HOOK3: variants seen among roughly 807,000 people sequenced by gnomAD.
The protein encoded by HOOK3 is hook microtubule tethering protein 3.
In HOOK3, 24 loss-of-function variants were observed where a neutral mutation model predicts 116.3. The observed-to-expected ratio is 0.21, with a 90% CI of 0.15 to 0.29. The LOEUF is 0.29. HOOK3 is among the 10% of genes least tolerant of loss of function. HOOK3 has a pLI of 1.00. For missense variants in HOOK3, 632 were observed against 830.2 expected (o/e 0.76, Z 2.93); for synonymous variants, 275 against 283.0 (o/e 0.97, Z 0.28).
chr8:42,958,362 C>A (rs148347540), intron 7 of HOOK3, among the ~76,000 whole-genome samples: 1 of 151,870 alleles, frequency 6.6e-6, no homozygotes, highest in Non-Finnish European at 1.5e-5. Context: ...AATGAAGAGA[C>A]AATAAAATTT....
At chr8:42,905,332 G>C (rs1338548249) in intron 1 of HOOK3, among the ~76,000 whole-genome samples, 6 of 146,672 alleles carry the variant, frequency 4.1e-5, no homozygotes, top group African/African-American at 1.0e-4. Flanking sequence ...TTTTGGGGGG[G>C]GGGGTGCCGT....
chr8:42,964,164 G>T (rs529954746), intron 8 of HOOK3, 147 bp from the exon 9 acceptor site: 2 of 701,918 alleles, frequency 2.8e-6, no homozygotes, highest in East Asian at 2.8e-5. Flanking sequence ...CCGAGATTGC[G>T]CCACTGCACT....
intron 4 of HOOK3, among the ~76,000 whole-genome samples, chr8:42,934,642 G>C (rs1215312459): frequency 6.6e-6 from 1 of 151,952 alleles, no homozygotes; most frequent in East Asian, 1.9e-4. Context: ...AACATGCGGT[G>C]TTTGGTTTTC....
chr8:42,936,584 G>T (rs1807975909), intron 4 of HOOK3, among the ~76,000 whole-genome samples: 1 of 152,310 alleles, frequency 6.6e-6, no homozygotes, highest in African/African-American at 2.4e-5. Flanking sequence ...AGTTTATTGA[G>T]AGTTTTTAGC....
intron 2 of HOOK3, among the ~76,000 whole-genome samples, chr8:42,912,917 C>G (rs1807460502): frequency 6.6e-6 from 1 of 152,208 alleles, no homozygotes; most frequent in Non-Finnish European, 1.5e-5. Context: ...ATCCCTCTCT[C>G]CAAACCCGGG....
chr8:42,918,438 T>G (rs961650369), intron 2 of HOOK3, among the ~76,000 whole-genome samples: 3 of 152,168 alleles, frequency 2.0e-5, no homozygotes, highest in Non-Finnish European at 4.4e-5. Context: ...TTAAATTTTT[T>G]TAGTATTTAT....
At chr8:42,966,279 C>T (rs1313852889) in intron 9 of HOOK3, among the ~76,000 whole-genome samples, 194 bp from the exon 10 acceptor site, 2 of 152,076 alleles carry the variant, frequency 1.3e-5, no homozygotes, top group East Asian at 1.9e-4. Flanking sequence ...CAGTTGTCAC[C>T]GTTCCCAAGA....
intron 8 of HOOK3, among the ~76,000 whole-genome samples, chr8:42,963,853 C>T (rs964964696): frequency 6.6e-6 from 1 of 152,202 alleles, no homozygotes; most frequent in African/African-American, 2.4e-5. Context: ...TTGCTCTGCA[C>T]GTGCAGTATT....
At chr8:42,940,383 A>G (rs551706840) in intron 4 of HOOK3, among the ~76,000 whole-genome samples, 11 of 152,318 alleles carry the variant, frequency 7.2e-5, no homozygotes, top group African/African-American at 2.4e-4. Flanking sequence ...TCGGCAGGCC[A>G]AGGCAGGAGA....
chr8:42,968,280 C>A, intron 11 of HOOK3, 66 bp downstream of exon 11: 1 of 1,083,384 alleles, frequency 9.2e-7, no homozygotes, highest in South Asian at 1.4e-5. Context: ...TGTAGCTTAC[C>A]AAAATTACTA....
intron 16 of HOOK3, among the ~76,000 whole-genome samples, chr8:42,998,572 A>G (rs1298250693): frequency 2.6e-5 from 4 of 152,170 alleles, no homozygotes; most frequent in Non-Finnish European, 5.9e-5. Context: ...AAAGGAACCG[A>G]AGAAAGGGAG....
At chr8:42,985,060 A>G (rs1809025464) in intron 14 of HOOK3, among the ~76,000 whole-genome samples, 1 of 152,178 alleles carries the variant, frequency 6.6e-6, no homozygotes, top group Non-Finnish European at 1.5e-5. Flanking sequence ...GTGGGTTAAT[A>G]TTTGATACTT....
At chr8:42,964,552 C>G in intron 9 of HOOK3, 78 bp downstream of exon 9, 1 of 1,301,338 alleles carries the variant, frequency 7.7e-7, no homozygotes, top group South Asian at 1.3e-5. Flanking sequence ...ATTGGCCAGG[C>G]ACATTGGTCC....
At chr8:42,897,931 G>A (rs1054182515) in intron 1 of HOOK3, among the ~76,000 whole-genome samples, 3 of 152,224 alleles carry the variant, frequency 2.0e-5, no homozygotes, top group African/African-American at 4.8e-5. Flanking sequence ...GGCGCGGCCG[G>A]GGAGGGGGAG....
intron 1 of HOOK3, among the ~76,000 whole-genome samples, chr8:42,902,389 C>T (rs960580700): frequency 3.3e-5 from 5 of 151,450 alleles, no homozygotes; most frequent in Non-Finnish European, 5.9e-5. Context: ...CTCCCACCTC[C>T]GCCTCCTGAA....
chr8:42,921,445 ACT>A (rs1807655445), intron 2 of HOOK3, among the ~76,000 whole-genome samples: 2 of 151,826 alleles, frequency 1.3e-5, no homozygotes, highest in Admixed American at 1.3e-4. Context: ...GATTTTTATA[ACT>A]CTTTAATGTT....
chr8:43,027,372 G>A lies in HOOK3; in HGVS notation c.*8874G>A. 2.5e-6 allele frequency: 1 copy of A among 393,660 alleles called. No individual in the cohort carries two copies. The highest frequency in any genetic ancestry group is 2.1e-5 in the South Asian group (1 of 47,248). 24.4% of individuals were successfully genotyped at this position (393,660 alleles called of 1,614,324 possible). A position where few individuals can be genotyped will look rare whatever the true frequency, so the allele number is the denominator to read the frequency against. On this transcript the variant is annotated 3_prime_UTR_variant, in exon 22 of 22. Coordinates refer to ENST00000307602, the MANE Select transcript of HOOK3 (RefSeq NM_032410.4). ...TTACATAAATATGGACACAATTACT[G>A]CCAAAGAATAGAGAGATTTGCTTAT...
intron 13 of HOOK3, among the ~76,000 whole-genome samples, chr8:42,974,960 C>T (rs1323123881): frequency 6.6e-6 from 1 of 152,158 alleles, no homozygotes; most frequent in Non-Finnish European, 1.5e-5. Context: ...AATTGCAGGG[C>T]CTGGCTACTG....
At chr8:42,927,417 T>C (rs538587359) in intron 3 of HOOK3, among the ~76,000 whole-genome samples, 113 of 151,768 alleles carry the variant, frequency 7.4e-4, no homozygotes, top group Middle Eastern at 3.4e-3. Context: ...CCATGATGCC[T>C]GGCTAATTTT....
Sources: allele counts gnomAD v4.1 joint callset (sites outside exome capture counted in the v4.1 genomes callset), GRCh38; gene constraint gnomAD v4.1.1; transcripts MANE v1.5; gene names NCBI Gene and HGNC (gene_info 2026-07-23, HGNC 2026-07-21).